The following DMXL2 variants were observed in gnomAD, a reference collection of about 807,000 sequenced individuals.
DMXL2 encodes the protein dmX-like protein 2.
In DMXL2, 103 loss-of-function variants were observed where a neutral mutation model predicts 331.1. The observed-to-expected ratio is 0.31, with a 90% CI of 0.27 to 0.37. The LOEUF (loss-of-function observed/expected upper bound fraction) is 0.37, where lower values mean the gene tolerates loss of function less well. Among genes scored for constraint, DMXL2 ranks in the 10% least tolerant of loss-of-function variants. The pLI, the probability that DMXL2 is intolerant of heterozygous loss-of-function variation, is 1.00. For missense variants in DMXL2, 3,171 were observed against 3,642.9 expected (o/e 0.87, Z 3.33); for synonymous variants, 1,281 against 1,252.1 (o/e 1.02, Z -0.49).
intron 1 of DMXL2, among the ~76,000 whole-genome samples, chr15:51,614,263 G>A (rs868198301): frequency 6.6e-6 from 1 of 152,214 alleles, no homozygotes; most frequent in African/African-American, 2.4e-5. Flanking sequence ...CCAAACTCCA[G>A]AACTGTGAGG....
At chr15:51,453,995 A>C (rs2039391991) in intron 40 of DMXL2, 1 of 184,306 alleles carries the variant, frequency 5.4e-6, no homozygotes. Context: ...GTCACAAAGG[A>C]AATGCTTACA....
chr15:51,501,458 C>A (rs2043598450), intron 17 of DMXL2, among the ~76,000 whole-genome samples: 1 of 152,134 alleles, frequency 6.6e-6, no homozygotes. Context: ...AGAGTATCTG[C>A]CAACTGTTGT....
At chr15:51,482,625 GA>G (rs2042096394) in intron 23 of DMXL2, among the ~76,000 whole-genome samples, 2 of 152,180 alleles carry the variant, frequency 1.3e-5, no homozygotes, top group Admixed American at 1.3e-4. Context: ...TGCTTTGGAG[GA>G]ATGGTCATTT....
intron 2 of DMXL2, among the ~76,000 whole-genome samples, chr15:51,570,871 C>T (rs1042982779): frequency 6.6e-6 from 1 of 152,132 alleles, no homozygotes; most frequent in Non-Finnish European, 1.5e-5. Context: ...GAAGAAACTG[C>T]ATCAATTAAC....
intron 18 of DMXL2, among the ~76,000 whole-genome samples, chr15:51,496,752 C>A (rs1361551115): frequency 6.6e-6 from 1 of 152,176 alleles, no homozygotes; most frequent in African/African-American, 2.4e-5. Context: ...GAACTGATAG[C>A]ATTTGCCAAT....
chr15:51,489,378 C>T (rs2042627035), intron 20 of DMXL2, among the ~76,000 whole-genome samples: 1 of 152,044 alleles, frequency 6.6e-6, no homozygotes. Context: ...ACTCTCGGGC[C>T]GGACGCAGTG....
At chr15:51,476,841 T>C in intron 26 of DMXL2, 122 bp from the exon 27 acceptor site, 1 of 672,296 alleles carries the variant, frequency 1.5e-6, no homozygotes, top group African/African-American at 1.9e-5. Context: ...GCATTCACTG[T>C]TCTAATAAAA....
At position 51,456,136 on chromosome 15, in the gene DMXL2, T is replaced by G; in HGVS notation, c.8456A>C (p.Gln2819Pro). ...GCCAGCTTGACGAAAGCAGACAAGTTGCTGAGGCCGCGTCCATTCAAACAT... is the reference window on the plus strand; with the variant it reads ...GCCAGCTTGACGAAAGCAGACAAGTGGCTGAGGCCGCGTCCATTCAAACAT... ...VRMFEWTRPQ[Q>P]LVCFRQAGNA... is the part of the protein sequence containing the mutation. Residue 2819 changes from glutamine to proline, a missense_variant, in exon 39 of 44, where the codon CAA becomes CCA. Transcript: ENST00000560891. 3 of 1,614,180 alleles carry G rather than the reference T, an allele frequency of 1.9e-6. No homozygotes were observed. Among genetic ancestry groups the G allele is most frequent in the South Asian group, 2.2e-5 (2 of 91,084 alleles).
At chr15:51,515,296 C>T (rs2046974177) in intron 14 of DMXL2, among the ~76,000 whole-genome samples, 2 of 152,022 alleles carry the variant, frequency 1.3e-5, no homozygotes, top group Admixed American at 1.3e-4. Context: ...TGTATTAAGA[C>T]AATCAATCAG....
At chr15:51,599,517 T>G (rs572573982) in intron 1 of DMXL2, among the ~76,000 whole-genome samples, 1 of 152,326 alleles carries the variant, frequency 6.6e-6, no homozygotes, top group South Asian at 2.1e-4. Flanking sequence ...TATCTACATA[T>G]CTCTATACCT....
Position 51,498,470 on chromosome 15 carries a change from A to G in DMXL2, c.4672+82T>C, listed in dbSNP as rs758335647. The G allele has an allele frequency of 5.7e-6, 8 of 1,392,010 alleles. No homozygotes were observed. The African/African-American group carries it at 1.2e-4, about 20-fold the overall frequency. The allele number at this position is 1,392,010 out of a possible 1,614,324, so 86.2% of individuals were successfully genotyped here. A position where few individuals can be genotyped will look rare whatever the true frequency, so the allele number is the denominator to read the frequency against. ...GCAAAGTTTGAAAGTTGAGACTGCA[A>G]TTCAGTAAATGAGTCAGTATAGAGA... On this transcript the variant is annotated intron_variant, in intron 18 of 43. Transcript: ENST00000560891.
chr15:51,471,300 C>T lies in DMXL2; in HGVS notation c.7315G>A (p.Val2439Met), dbSNP rs1413100155. ...RPVKDATPPP[V>M]PAERPSYKEK... ...TTGTAAGATGGTCTTTCTGCAGGCACCGGTGGTGGGGTAGCATCTTTTACA... is the reference window on the plus strand; with the variant it reads ...TTGTAAGATGGTCTTTCTGCAGGCATCGGTGGTGGGGTAGCATCTTTTACA... Residue 2439 changes from valine (V) to methionine (M), a missense_variant, in exon 29 of 44, where the codon GTG (valine) becomes ATG (methionine). This residue lies in a region of DMXL2 where 766 missense variants were observed against 940.5 expected (regional missense o/e 0.81). Coordinates refer to ENST00000560891, the MANE Select transcript of DMXL2 (RefSeq NM_001378457.1). 1 of 1,613,992 alleles carries T rather than the reference C, an allele frequency of 6.2e-7. No individual in the cohort carries two copies. The highest frequency in any genetic ancestry group is 1.7e-5 in the Admixed American group (1 of 60,014).
intron 17 of DMXL2, 128 bp downstream of exon 17, chr15:51,502,678 G>C (rs1365613580): frequency 2.9e-6 from 2 of 679,078 alleles, no homozygotes; most frequent in Non-Finnish European, 5.1e-6. Context: ...ATCATTAATA[G>C]AAAATCAATC....
At chr15:51,606,407 C>CT (rs1198810722) in intron 1 of DMXL2, among the ~76,000 whole-genome samples, 8 of 152,158 alleles carry the variant, frequency 5.3e-5, no homozygotes, top group Admixed American at 4.6e-4. Context: ...GTTGACCAGG[C>CT]TGGTCTCGAA....
rs2041997856 is a variant in DMXL2 at position 51,481,343 on chromosome 15, T to C, written c.5763A>G (p.Lys1921=). 6.2e-7 allele frequency: 1 copy of C among 1,613,942 alleles called. No individual in the cohort carries two copies. The highest frequency in any genetic ancestry group is 8.5e-7 in the Non-Finnish European group (1 of 1,179,892). The part of the protein sequence containing the change: ...VTKTSALSAK[K]DQPDFISHRM... The stretch of plus-strand genomic sequence containing the variant: ...TGTGAGAAATGAAGTCAGGCTGATC[T>C]TTTTTTGCAGATAAGGCAGATGTTT... The change falls in exon 24 of 44, where the codon AAA becomes AAG. Residue 1921 remains lysine (K), a synonymous_variant. Transcript: ENST00000560891.
chr15:51,559,973 C>T (rs2049850052), intron 6 of DMXL2, among the ~76,000 whole-genome samples: 1 of 152,090 alleles, frequency 6.6e-6, no homozygotes, highest in Non-Finnish European at 1.5e-5. Context: ...CACACAAGAG[C>T]CTAACAGACA....
At chr15:51,540,302 T>G (rs1311550153) in intron 9 of DMXL2, among the ~76,000 whole-genome samples, 1 of 152,206 alleles carries the variant, frequency 6.6e-6, no homozygotes, top group Non-Finnish European at 1.5e-5. Context: ...AATGGTATAT[T>G]ACATGATATT....
chr15:51,525,875 C>T (rs2047642331), intron 13 of DMXL2, among the ~76,000 whole-genome samples: 1 of 152,074 alleles, frequency 6.6e-6, no homozygotes, highest in African/African-American at 2.4e-5. Flanking sequence ...GGGAACTTGT[C>T]ACCCTAAAGG....
chr15:51,468,465 A>G (rs1232686041), intron 29 of DMXL2, among the ~76,000 whole-genome samples: 4 of 152,208 alleles, frequency 2.6e-5, no homozygotes, highest in African/African-American at 4.8e-5. Context: ...ATATGTTTAA[A>G]TCTATAAGTT....
Sources: gnomAD v4.1 joint callset for allele counts (sites outside exome capture counted in the v4.1 genomes callset) on GRCh38, gnomAD v4.1.1 for gene constraint, gnomAD v4.1.1 regional missense constraint, MANE v1.5 for transcripts, NCBI Gene and HGNC (gene_info 2026-07-23, HGNC 2026-07-21) for gene names.